The following PCSK6 variants were observed in gnomAD, a reference collection of about 807,000 sequenced individuals.
The protein encoded by PCSK6 is proprotein convertase subtilisin/kexin type 6, also known as paired basic amino acid cleaving enzyme 4.
In PCSK6, 85 loss-of-function variants were observed where a neutral mutation model predicts 123.3. The observed-to-expected ratio is 0.69, with a 90% CI of 0.58 to 0.83. PCSK6 has a LOEUF of 0.83. Ranked by LOEUF, PCSK6 falls within the 40% of genes least tolerant of loss-of-function variation. The pLI is 0.00. For missense variants in PCSK6, 1,191 were observed against 1,282.3 expected, an observed-to-expected ratio of 0.93 and a Z score of 1.09; for synonymous variants, 508 against 516.0, an observed-to-expected ratio of 0.98 and a Z score of 0.21.
chr15:101,482,119 T>C (rs555486474), intron 1 of PCSK6, among the ~76,000 whole-genome samples: 1 of 152,368 alleles, frequency 6.6e-6, no homozygotes, highest in South Asian at 2.1e-4. Context: ...TTCTGTCTGA[T>C]GATTTACCTT....
rs577498365 is a variant in PCSK6, at chr15:101,380,801, G to A, written c.1532+1291C>T. On this transcript the variant is annotated intron_variant, in intron 11 of 21. Transcript: ENST00000611716. Reference sequence around the variant, plus strand: ...AGAGTAGAGGCATATTCAAGGAAGAGCATCTAAAGAGAGTGACCTGTATTT... The same window carrying A: ...AGAGTAGAGGCATATTCAAGGAAGAACATCTAAAGAGAGTGACCTGTATTT... Among the ~76,000 whole-genome samples the A allele has an allele frequency of 2.6e-5, 4 of 152,336 alleles. No homozygotes were observed. In the East Asian group the frequency reaches 5.8e-4, roughly 22 times the overall value.
chr15:101,335,985 A>T (rs1216073311), intron 13 of PCSK6, among the ~76,000 whole-genome samples: 2 of 152,232 alleles, frequency 1.3e-5, no homozygotes, highest in African/African-American at 4.8e-5. Context: ...CCTAAACATA[A>T]AAAGGGTACA....
intron 13 of PCSK6, chr15:101,347,281 T>C: frequency 8.1e-7 from 1 of 1,232,332 alleles, no homozygotes; most frequent in Non-Finnish European, 1.0e-6. Context: ...AAATGAAGAT[T>C]AGCTCAAAAG....
intron 13 of PCSK6, among the ~76,000 whole-genome samples, chr15:101,349,659 T>G (rs1443917352): frequency 6.6e-6 from 1 of 152,160 alleles, no homozygotes; most frequent in Non-Finnish European, 1.5e-5. Flanking sequence ...AGAAATTTCA[T>G]GTCCACCAGG....
chr15:101,487,466 G>C (rs930459851), intron 1 of PCSK6, among the ~76,000 whole-genome samples: 4 of 152,256 alleles, frequency 2.6e-5, no homozygotes, highest in Non-Finnish European at 4.4e-5. Flanking sequence ...GAGCCTGACA[G>C]AGGTTGTCTC....
chr15:101,429,435 A>AG (rs985507369), intron 5 of PCSK6, among the ~76,000 whole-genome samples: 10 of 152,120 alleles, frequency 6.6e-5, no homozygotes, highest in Non-Finnish European at 1.3e-4. Context: ...CCTGTGAGGT[A>AG]GGGGACATCA....
intron 6 of PCSK6, among the ~76,000 whole-genome samples, chr15:101,409,810 C>T (rs1396225696): frequency 6.6e-6 from 1 of 152,214 alleles, no homozygotes; most frequent in South Asian, 2.1e-4. Flanking sequence ...CAAGCCAGCA[C>T]ACCTGGCTCC....
chr15:101,347,747 C>T (rs753287394), intron 13 of PCSK6: 2 of 1,613,852 alleles, frequency 1.2e-6, no homozygotes, highest in Non-Finnish European at 1.7e-6. Flanking sequence ...GTTCAATCTG[C>T]CACCGGAACA....
chr15:101,360,710 C>A (rs4563027), intron 13 of PCSK6, among the ~76,000 whole-genome samples: 6 of 105,738 alleles, frequency 5.7e-5, no homozygotes, highest in Non-Finnish European at 1.1e-4. Flanking sequence ...ACCAGGCACA[C>A]TCCTGCCCGG....
intron 1 of PCSK6, among the ~76,000 whole-genome samples, chr15:101,454,972 G>GAATAAATA (rs879329713): frequency 6.1e-5 from 8 of 131,920 alleles, no homozygotes; most frequent in African/African-American, 8.5e-5. Flanking sequence ...ATGAATGAAT[G>GAATAAATA]AATGAATGAA....
intron 10 of PCSK6, among the ~76,000 whole-genome samples, chr15:101,383,185 G>T (rs2041956012): frequency 1.3e-5 from 2 of 152,040 alleles, no homozygotes; most frequent in Non-Finnish European, 2.9e-5. Context: ...AAGGCAGGTG[G>T]ATCACAAGGT....
At chr15:101,392,250 G>A (rs553324475) in intron 8 of PCSK6, among the ~76,000 whole-genome samples, 4 of 152,244 alleles carry the variant, frequency 2.6e-5, no homozygotes, top group South Asian at 4.2e-4. Context: ...CCAGGGGTGC[G>A]TACTCCAGCA....
intron 13 of PCSK6, among the ~76,000 whole-genome samples, chr15:101,348,169 G>A (rs917118773): frequency 3.4e-5 from 4 of 116,086 alleles, no homozygotes; most frequent in African/African-American, 5.4e-5. Flanking sequence ...CCGCTGGGTC[G>A]GACCGGCCCC....
intron 9 of PCSK6, among the ~76,000 whole-genome samples, chr15:101,388,006 G>A (rs3825908): frequency 0.012 from 1,772 of 152,318 alleles, 27 homozygotes; most frequent in East Asian, 0.046. Context: ...GAAGATGACC[G>A]TCTGAGCTTT....
At chr15:101,403,345 A>G (rs62018989) in intron 6 of PCSK6, among the ~76,000 whole-genome samples, 13,004 of 150,284 alleles carry the variant, frequency 0.087, 676 homozygotes, top group Middle Eastern at 0.14. Context: ...TGGGTGCAGC[A>G]CACCAGCATG....
chr15:101,389,483 C>A lies in PCSK6; in HGVS notation c.1291G>T (p.Ala431Ser). ...VSAPMVAGII[A>S]LALEANSQLT... is the part of the protein sequence containing the mutation. The stretch of plus-strand genomic sequence containing the variant: ...ACTTACTTTGCTTCTAGAGCCAAGG[C>A]GATGATGCCCGCCACCATGGGGGCA... Residue 431 changes from alanine (A) to serine (S), a missense_variant, in exon 9 of 22, where the codon GCC becomes TCC. Around this residue, in one of 3 missense-constraint regions of PCSK6, gnomAD observed 357 missense variants for 484.5 expected, o/e 0.74. Coordinates refer to ENST00000611716, the MANE Select transcript of PCSK6 (RefSeq NM_002570.5). The A allele has an allele frequency of 6.2e-7, 1 of 1,613,140 alleles. No individual in the cohort carries two copies.
chr15:101,409,545 A>C (rs1243514576), intron 6 of PCSK6, among the ~76,000 whole-genome samples: 2 of 148,936 alleles, frequency 1.3e-5, no homozygotes, highest in African/African-American at 5.0e-5. Context: ...AGATCGTGCC[A>C]CTGCACTCCA....
At chr15:101,476,800 T>G (rs566479758) in intron 1 of PCSK6, among the ~76,000 whole-genome samples, 2 of 152,322 alleles carry the variant, frequency 1.3e-5, no homozygotes, top group Non-Finnish European at 2.9e-5. Context: ...AATTTATAAA[T>G]TTATATGCAA....
At chr15:101,488,716 G>A (rs945323793) in intron 1 of PCSK6, among the ~76,000 whole-genome samples, 9 of 152,074 alleles carry the variant, frequency 5.9e-5, no homozygotes, top group Admixed American at 5.9e-4. Flanking sequence ...CTCCTGGAGA[G>A]GTTTTAAACC....
Sources: gnomAD v4.1 joint callset for allele counts (sites outside exome capture counted in the v4.1 genomes callset) on GRCh38, gnomAD v4.1.1 for gene constraint, gnomAD v4.1.1 regional missense constraint, MANE v1.5 for transcripts, NCBI Gene and HGNC (gene_info 2026-07-23, HGNC 2026-07-21) for gene names.